Variants in PCLAF observed in about 807,000 individuals in gnomAD.
The protein encoded by PCLAF is PCNA-associated factor.
Under a neutral mutation model 15.1 loss-of-function variants are expected in PCLAF, and 12 were observed. That is an observed-to-expected ratio of 0.79 (90% CI 0.51 to 1.29). The LOEUF is 1.29. Among genes scored for constraint, PCLAF ranks in the 50% most tolerant of loss-of-function variants. The probability of loss-of-function intolerance (pLI) is 0.00; values close to 1 mark genes in which losing one functional copy is unlikely to be tolerated. For synonymous variants in PCLAF, 33 were observed against 47.1 expected, an observed-to-expected ratio of 0.70 and a Z score of 1.22; for missense variants, 116 against 130.9, an observed-to-expected ratio of 0.89 and a Z score of 0.56.
At chr15:64,384,683 A>G (rs1022044588), upstream of PCLAF, among the ~76,000 whole-genome samples, 3 of 150,732 alleles carry the variant, frequency 2.0e-5, no homozygotes, top group Non-Finnish European at 4.4e-5. Flanking sequence ...TGGAGGTTGC[A>G]GTGAGCCCAG....
intron 1 of PCLAF, 25 bp from the exon 2 acceptor site, chr15:64,381,063 G>C (rs780755338): frequency 6.2e-7 from 1 of 1,609,378 alleles, no homozygotes; most frequent in African/African-American, 1.3e-5. Context: ...AAAAAAGGGT[G>C]TTCAGAAGGG....
At chr15:64,381,785 C>A (rs1194017088), upstream of PCLAF, among the ~76,000 whole-genome samples, 20 of 152,184 alleles carry the variant, frequency 1.3e-4, 1 homozygote, top group Admixed American at 1.3e-3. Context: ...AGCTTTAAGT[C>A]CATAATGATT....
chr15:64,374,859 A>G (rs575895275), intron 3 of PCLAF, among the ~76,000 whole-genome samples: 1 of 151,836 alleles, frequency 6.6e-6, no homozygotes, highest in South Asian at 2.1e-4. Flanking sequence ...AAAAAAAAAA[A>G]AAAAGGAAGA....
chr15:64,375,110 A>ATATTTT (rs955403232), intron 3 of PCLAF, among the ~76,000 whole-genome samples: 15 of 151,880 alleles, frequency 9.9e-5, no homozygotes, highest in African/African-American at 3.6e-4. Context: ...CATATTGGTC[A>ATATTTT]TATTTTTATT....
chr15:64,369,620 G>C (rs1372821416), intron 3 of PCLAF, among the ~76,000 whole-genome samples: 1 of 151,758 alleles, frequency 6.6e-6, no homozygotes, highest in African/African-American at 2.4e-5. Flanking sequence ...CAGTGATCTC[G>C]GCTCACTGCA....
chr15:64,376,629 G>A, intron 3 of PCLAF, 114 bp downstream of exon 3: 1 of 728,320 alleles, frequency 1.4e-6, no homozygotes. Flanking sequence ...ATGTTGGACA[G>A]GCTGGTTTTG....
intron 3 of PCLAF, among the ~76,000 whole-genome samples, chr15:64,367,579 C>T (rs1185767687): frequency 6.6e-6 from 1 of 151,866 alleles, no homozygotes; most frequent in East Asian, 1.9e-4. Flanking sequence ...GACGGAGTCT[C>T]GCTCTGTCGC....
At chr15:64,367,856 CTT>C (rs1899111906) in intron 3 of PCLAF, among the ~76,000 whole-genome samples, 1 of 150,578 alleles carries the variant, frequency 6.6e-6, no homozygotes, top group African/African-American at 2.4e-5. Flanking sequence ...CCTCATTACA[CTT>C]TTTATGGAGG....
chr15:64,372,199 A>G (rs1468091621), intron 3 of PCLAF, among the ~76,000 whole-genome samples: 1 of 152,252 alleles, frequency 6.6e-6, no homozygotes, highest in East Asian at 1.9e-4. Context: ...TTGAATTGGA[A>G]TGGGTGATAG....
At chr15:64,370,708 C>A (rs1596322022) in intron 3 of PCLAF, among the ~76,000 whole-genome samples, 2 of 151,752 alleles carry the variant, frequency 1.3e-5, no homozygotes, top group Admixed American at 1.3e-4. Context: ...TACATCAAGG[C>A]AGTTGTAAAA....
At chr15:64,366,325 G>A (rs569223528) in intron 3 of PCLAF, among the ~76,000 whole-genome samples, 5 of 151,926 alleles carry the variant, frequency 3.3e-5, no homozygotes, top group Admixed American at 1.3e-4. Flanking sequence ...TTTAGACTAC[G>A]TTGTAATTTT....
chr15:64,373,321 G>A (rs1012660272), intron 3 of PCLAF: 6 of 173,622 alleles, frequency 3.5e-5, no homozygotes, highest in Non-Finnish European at 4.8e-5. Flanking sequence ...TCCTTCAGAT[G>A]CTCTTTAAAC....
At position 64,373,714 on chromosome 15, in the gene PCLAF, G is replaced by A. The variant is rs139159470; in HGVS notation, c.290+3029C>T. The A allele has an allele frequency of 9.0e-3, 13,844 of 1,535,772 alleles. 78 individuals are homozygous for A. Among genetic ancestry groups the A allele is most frequent in the Non-Finnish European group, 0.011 (12,629 of 1,146,652 alleles). ...TCCCCTTACCCATTTGGATCAGTGT[G>A]CCGTGTGTCCAGCTTGCTGCTCAGT... On this transcript the variant is annotated intron_variant, in intron 3 of 3. Coordinates refer to ENST00000300035, the MANE Select transcript of PCLAF (RefSeq NM_014736.6).
intron 1 of PCLAF, 116 bp downstream of exon 1, chr15:64,381,209 TG>T: frequency 7.5e-7 from 1 of 1,338,874 alleles, no homozygotes; most frequent in Non-Finnish European, 1.1e-6. Context: ...GGCTACTCCC[TG>T]GCTAGCTAGA....
exon 1 of PCLAF, chr15:64,387,686 A>G (rs1375698444): frequency 8.5e-6 from 12 of 1,406,956 alleles, no homozygotes; most frequent in South Asian, 1.5e-5. Context: ...GAAGTAGACA[A>G]CAAAGCAGGA....
chr15:64,386,142 AC>A, upstream of PCLAF, among the ~76,000 whole-genome samples: 1 of 152,136 alleles, frequency 6.6e-6, no homozygotes. Context: ...TTGATACCTT[AC>A]AATTATTATT....
chr15:64,381,550 T>C, upstream of PCLAF: 1 of 1,474,054 alleles, frequency 6.8e-7, no homozygotes, highest in African/African-American at 1.4e-5. Flanking sequence ...CCTGAACCAA[T>C]TGCCAATGCC....
upstream of PCLAF, among the ~76,000 whole-genome samples, chr15:64,385,443 T>A (rs1340629369): frequency 6.6e-6 from 1 of 151,766 alleles, no homozygotes; most frequent in African/African-American, 2.4e-5. Context: ...CTGACCAACA[T>A]GGAGAAACCC....
At chr15:64,371,244 A>G (rs1899300762) in intron 3 of PCLAF, among the ~76,000 whole-genome samples, 1 of 150,220 alleles carries the variant, frequency 6.7e-6, no homozygotes, top group Non-Finnish European at 1.5e-5. Context: ...CTGGGATTAC[A>G]GGCGTGAGCC....
Sources: allele counts gnomAD v4.1 joint callset (sites outside exome capture counted in the v4.1 genomes callset), GRCh38; gene constraint gnomAD v4.1.1; transcripts MANE v1.5; gene names NCBI Gene and HGNC (gene_info 2026-07-23, HGNC 2026-07-21).